Variants in NAA15 observed in about 807,000 individuals in gnomAD.
NAA15 encodes N-terminal acetyltransferase.
NAA15 carries 34 observed loss-of-function variants against 114.0 expected under a neutral mutation model. The observed-to-expected ratio is 0.30, with a 90% confidence interval of 0.23 to 0.40. The LOEUF (loss-of-function observed/expected upper bound fraction) is 0.40. Ranked by LOEUF, NAA15 falls within the 10% of genes least tolerant of loss-of-function variation. The pLI is 1.00. For missense variants in NAA15, 658 were observed against 1,004.5 expected (o/e 0.66, Z 4.66); for synonymous variants, 340 against 338.0 (o/e 1.01, Z -0.06).
intron 12 of NAA15, 136 bp downstream of exon 12, chr4:139,360,031 G>GA (rs1748083472): frequency 2.6e-5 from 21 of 796,750 alleles, no homozygotes; most frequent in Non-Finnish European, 3.9e-5. Context: ...TTAAATCACT[G>GA]TATCAGAAGA....
At chr4:139,360,457 C>T in intron 12 of NAA15, 43 bp from the exon 13 acceptor site, 1 of 1,453,120 alleles carries the variant, frequency 6.9e-7, no homozygotes, top group Non-Finnish European at 9.1e-7. Context: ...AGAATGATGT[C>T]TATGATAAAA....
In NAA15 at chr4:139,358,191, G is replaced by GTTT. The variant is rs200019923; in HGVS notation, c.1257+647_1257+649dup. 5.9e-3 allele frequency among the ~76,000 whole-genome samples: 846 copies of GTTT among 143,562 alleles called. 8 individuals are homozygous for GTTT. Among genetic ancestry groups the GTTT allele is most frequent in the African/African-American group, 0.021 (817 of 39,466 alleles). The allele number at this position is 143,562 out of a possible 152,430, so 94.2% of individuals were successfully genotyped here. A position where few individuals can be genotyped will look rare whatever the true frequency, so the allele number is the denominator to read the frequency against. On this transcript the variant is annotated intron_variant, in intron 11 of 19. Coordinates refer to ENST00000296543, the MANE Select transcript of NAA15 (RefSeq NM_057175.5). ...AGTTTTTTTGTTTGTTTTTGTTTTTGTTTTTTTTTTTTTGAGAGAGAGAAA... is the reference window on the plus strand; with the variant it reads ...AGTTTTTTTGTTTGTTTTTGTTTTTGTTTTTTTTTTTTTTTTGAGAGAGAGAAA...
At chr4:139,379,692 T>G (rs577340349) in intron 17 of NAA15, among the ~76,000 whole-genome samples, 2 of 152,234 alleles carry the variant, frequency 1.3e-5, no homozygotes, top group African/African-American at 2.4e-5. Context: ...CATTTAAAAC[T>G]GAGGAAATTA....
chr4:139,332,895 T>C (rs942798111), intron 1 of NAA15, among the ~76,000 whole-genome samples: 1 of 152,138 alleles, frequency 6.6e-6, no homozygotes, highest in Non-Finnish European at 1.5e-5. Flanking sequence ...TATATAGTCT[T>C]AATGTATGGG....
chr4:139,343,065 A>G (rs1747466175), intron 5 of NAA15, 105 bp downstream of exon 5: 3 of 1,055,284 alleles, frequency 2.8e-6, no homozygotes, highest in Admixed American at 5.5e-5. Context: ...TCAAACTTAT[A>G]GAAAAGTTGC....
intron 1 of NAA15, among the ~76,000 whole-genome samples, chr4:139,311,368 AAG>A (rs34941340): frequency 0.23 from 35,567 of 151,632 alleles, 4,943 homozygotes; most frequent in South Asian, 0.41. Flanking sequence ...ATTACAGGGC[AAG>A]AGAGAAAAAG....
intron 1 of NAA15, among the ~76,000 whole-genome samples, chr4:139,315,615 T>TA (rs1746385673): frequency 6.6e-6 from 1 of 151,910 alleles, no homozygotes; most frequent in South Asian, 2.1e-4. Flanking sequence ...GGTAGTGAGA[T>TA]ACGTATACAA....
chr4:139,376,068 T>C (rs1027612493), intron 15 of NAA15, among the ~76,000 whole-genome samples: 2 of 152,216 alleles, frequency 1.3e-5, no homozygotes, highest in East Asian at 3.8e-4. Flanking sequence ...TCTTCCCCCT[T>C]GGCTATCTGA....
In NAA15 at chr4:139,362,496, C is replaced by T. The variant is rs146699419; in HGVS notation, c.1753+559C>T. On this transcript the variant is annotated intron_variant, in intron 14 of 19. Transcript: ENST00000296543. ...CCATGTTGTCCAGGCTGGTCTCGAA[C>T]CCCTGACCTCAAGTGATCTGCCCAC... Among the ~76,000 whole-genome samples the T allele has an allele frequency of 2.6e-3, 397 of 152,254 alleles. 10 individuals carry two copies. In the East Asian group the frequency reaches 0.058, roughly 22 times the overall value.
chr4:139,384,554 G>T (rs1458565781), intron 17 of NAA15, among the ~76,000 whole-genome samples: 1 of 152,104 alleles, frequency 6.6e-6, no homozygotes, highest in Non-Finnish European at 1.5e-5. Context: ...TCTTGTCTTT[G>T]TATATAATTG....
Position 139,378,903 on chromosome 4 carries a change from G to A in NAA15, c.2155+49G>A, listed in dbSNP as rs200892118. ...TAAGTATTTGATACAGTGGTTGATG[G>A]TGACGGTATAAGTGGTCTGTACAAG... On this transcript the variant is annotated intron_variant, in intron 17 of 19. Transcript: ENST00000296543. The A allele has an allele frequency of 9.3e-5, 108 of 1,165,810 alleles. 1 individual carries two copies. Among genetic ancestry groups the A allele is most frequent in the Middle Eastern group, 5.9e-4 (3 of 5,112 alleles). 72.2% of individuals were successfully genotyped at this position (1,165,810 alleles called of 1,614,324 possible). A position where few individuals can be genotyped will look rare whatever the true frequency, so the allele number is the denominator to read the frequency against.
In NAA15 at chr4:139,345,643, G is replaced by A. The variant is rs562566695; in HGVS notation, c.691+1304G>A. Among the ~76,000 whole-genome samples the A allele has an allele frequency of 7.9e-5, 12 of 152,286 alleles. No homozygotes were observed. In the East Asian group the frequency reaches 1.2e-3, roughly 15 times the overall value. On this transcript the variant is annotated intron_variant, in intron 6 of 19. Coordinates refer to ENST00000296543, the MANE Select transcript of NAA15 (RefSeq NM_057175.5). ...AGTCTATTTAAAAGAGACTGAGGCC[G>A]GGCGCGGTGGCTCAACCCTGTAATC...
intron 1 of NAA15, among the ~76,000 whole-genome samples, chr4:139,304,433 G>A (rs1199580761): frequency 1.3e-5 from 2 of 152,182 alleles, no homozygotes; most frequent in Non-Finnish European, 2.9e-5. Context: ...TCGCGCACGC[G>A]GGTGCAGTCA....
At chr4:139,316,304 A>G (rs546245500) in intron 1 of NAA15, among the ~76,000 whole-genome samples, 6 of 152,010 alleles carry the variant, frequency 3.9e-5, no homozygotes, top group African/African-American at 1.4e-4. Flanking sequence ...TGTCTCTTCT[A>G]TATGTATGAC....
intron 14 of NAA15, among the ~76,000 whole-genome samples, chr4:139,368,018 C>T (rs1482793879): frequency 6.8e-6 from 1 of 146,228 alleles, no homozygotes; most frequent in Non-Finnish European, 1.5e-5. Flanking sequence ...TTCAAACTTC[C>T]ACTAAAGCCC....
intron 1 of NAA15, among the ~76,000 whole-genome samples, chr4:139,315,078 T>TAGGTTAGGTTAGGTTAGG (rs1253703101): frequency 1.1e-4 from 16 of 144,872 alleles, no homozygotes; most frequent in African/African-American, 1.6e-4. Flanking sequence ...TAGTTTAGTT[T>TAGGTTAGGTTAGGTTAGG]TTGAGACGGA....
intron 1 of NAA15, among the ~76,000 whole-genome samples, chr4:139,315,126 G>A (rs1313678611): frequency 2.0e-5 from 3 of 151,220 alleles, no homozygotes; most frequent in African/African-American, 4.9e-5. Context: ...GCAGTGGCGC[G>A]ATCCCGGCTC....
At chr4:139,373,990 C>T (rs1390831393) in intron 15 of NAA15, among the ~76,000 whole-genome samples, 1 of 152,160 alleles carries the variant, frequency 6.6e-6, no homozygotes, top group Non-Finnish European at 1.5e-5. Flanking sequence ...CAGGTGTGAG[C>T]CACCGCGCCC....
At chr4:139,309,711 A>T (rs928940471) in intron 1 of NAA15, among the ~76,000 whole-genome samples, 1 of 152,236 alleles carries the variant, frequency 6.6e-6, no homozygotes, top group Non-Finnish European at 1.5e-5. Flanking sequence ...TGTTTTAAAA[A>T]ATATTTTTTA....
Sources: allele counts gnomAD v4.1 joint callset (sites outside exome capture counted in the v4.1 genomes callset), GRCh38; gene constraint gnomAD v4.1.1; transcripts MANE v1.5; gene names NCBI Gene and HGNC (gene_info 2026-07-23, HGNC 2026-07-21).